PPCS: variants seen among roughly 807,000 people sequenced by gnomAD.
PPCS encodes phosphopantothenate--cysteine ligase.
Under a neutral mutation model 24.6 loss-of-function variants are expected in PPCS, and 17 were observed. The observed-to-expected ratio is 0.69, with a 90% CI of 0.47 to 1.04. PPCS has a LOEUF of 1.04. Ranked by LOEUF, PPCS falls within the 50% of genes least tolerant of loss-of-function variation. PPCS has a pLI of 0.00. For synonymous variants in PPCS, 190 were observed against 168.3 expected, an observed-to-expected ratio of 1.13 and a Z score of -1.00; for missense variants, 360 against 402.8, an observed-to-expected ratio of 0.89 and a Z score of 0.91.
chr1:42,469,794 T>C (rs914305270), intron 2 of PPCS, among the ~76,000 whole-genome samples: 1 of 152,178 alleles, frequency 6.6e-6, no homozygotes, highest in Non-Finnish European at 1.5e-5. Context: ...TTACTAGTTC[T>C]CTGGGAGACA....
rs146909390 is a variant in PPCS, at chr1:42,461,231, CAG to C, written c.*1307_*1308del. Among the ~76,000 whole-genome samples the C allele has an allele frequency of 2.0e-3, 310 of 152,304 alleles. 1 individual carries two copies. The highest frequency in any genetic ancestry group is 3.3e-3 in the Non-Finnish European group (225 of 68,024). On this transcript the variant is annotated 3_prime_UTR_variant, in exon 3 of 3. Coordinates refer to ENST00000372561, the MANE Select transcript of PPCS (RefSeq NM_024664.4). ...AATAAATTTAATTGAGAAGATTTGA[CAG>C]AAATTCTAAGACTGAAATACTTCAT...
chr1:42,473,035 A>T, intron 2 of PPCS: 1 of 1,178,566 alleles, frequency 8.5e-7, no homozygotes. Context: ...TAATAAGGAG[A>T]CTAAGGTGGC....
exon 3 of PPCS, chr1:42,473,174 A>G (rs1557789878): frequency 1.7e-5 from 21 of 1,231,058 alleles, no homozygotes; most frequent in Non-Finnish European, 2.0e-5. Flanking sequence ...GAAGAAATCA[A>G]TCCCCTTGCT....
intron 2 of PPCS, among the ~76,000 whole-genome samples, chr1:42,472,646 C>CTT (rs1210844030): frequency 6.9e-6 from 1 of 145,598 alleles, no homozygotes; most frequent in African/African-American, 2.5e-5. Context: ...GACAGAAAAG[C>CTT]TTTTTTTTTT....
intron 2 of PPCS, 108 bp downstream of exon 2, chr1:42,457,458 G>C: frequency 5.3e-6 from 5 of 936,076 alleles, no homozygotes; most frequent in Non-Finnish European, 8.6e-6. Flanking sequence ...CTAGGCACAG[G>C]GGATACAGAG....
At chr1:42,456,490 C>G, upstream of PPCS, 3 of 1,394,174 alleles carry the variant, frequency 2.2e-6, no homozygotes, top group Non-Finnish European at 2.8e-6. Flanking sequence ...CGGCGCGGCG[C>G]GTACACCAGG....
chr1:42,458,817 G>A (rs1303157632), intron 2 of PPCS, among the ~76,000 whole-genome samples: 1 of 152,170 alleles, frequency 6.6e-6, no homozygotes, highest in Non-Finnish European at 1.5e-5. Context: ...TTTTGGTCAA[G>A]TGAAAATAAA....
chr1:42,459,752 G>C lies in PPCS; in HGVS notation c.762G>C (p.Val254=), dbSNP rs146107417. Residue 254 remains valine, a synonymous_variant, in exon 3 of 3, where the codon GTG becomes GTC. Transcript: ENST00000372561. ...CTTTGGAAATTTATCAGCATCAAGT[G>C]GTGGTGGCTAATATCCTTGAGTCAC... is the stretch of plus-strand genomic sequence containing the variant. ...RKALEIYQHQ[V]VVANILESRQ... 8.2e-4 allele frequency: 1,318 copies of C among 1,614,174 alleles called. 14 individuals carry two copies. The South Asian group carries it at 8.2e-3, about 10-fold the overall frequency.
In PPCS at chr1:42,457,947, C is replaced by T. The variant is rs1643279626; in HGVS notation, c.612+597C>T. Among the ~76,000 whole-genome samples the T allele has an allele frequency of 1.4e-5, 2 of 141,154 alleles. 1 individual carries two copies. The highest frequency in any genetic ancestry group is 5.0e-4 in the South Asian group (2 of 3,972). 92.6% of individuals were successfully genotyped at this position (141,154 alleles called of 152,430 possible). ...TCCAGCCCGGGCGACGAGAGCGATA[C>T]TCCGTCGCAAAAAAAAAAAAAAACA... On this transcript the variant is annotated intron_variant, in intron 2 of 2. Transcript: ENST00000372561.
intron 2 of PPCS, chr1:42,468,762 T>G (rs1303060216): frequency 1.3e-5 from 2 of 152,068 alleles, no homozygotes; most frequent in Non-Finnish European, 2.9e-5. Context: ...GAATAAAAAT[T>G]TAAAGAAGTT....
At chr1:42,470,331 G>C (rs1028661861) in intron 2 of PPCS, among the ~76,000 whole-genome samples, 1 of 152,014 alleles carries the variant, frequency 6.6e-6, no homozygotes, top group Non-Finnish European at 1.5e-5. Flanking sequence ...TGTTGACAAG[G>C]ATGTGAAGAT....
chr1:42,460,281 G>C lies in PPCS; in HGVS notation c.*355G>C. The C allele has an allele frequency of 9.9e-7, 1 of 1,012,126 alleles. No homozygotes were observed. The highest frequency in any genetic ancestry group is 1.2e-6 in the Non-Finnish European group (1 of 844,938). 62.7% of individuals were successfully genotyped at this position (1,012,126 alleles called of 1,614,324 possible). A position where few individuals can be genotyped will look rare whatever the true frequency, so the allele number is the denominator to read the frequency against. On this transcript the variant is annotated 3_prime_UTR_variant, in exon 3 of 3. Coordinates refer to ENST00000372561, the MANE Select transcript of PPCS (RefSeq NM_024664.4). Reference sequence around the variant, plus strand: ...TTTGGAGATCAAATATTGGTTGAATGCCTATGTATGTCAGGCCCTGTGCTG... The same window carrying C: ...TTTGGAGATCAAATATTGGTTGAATCCCTATGTATGTCAGGCCCTGTGCTG...
chr1:42,461,548 C>T (rs1384956916), downstream of PPCS, among the ~76,000 whole-genome samples: 3 of 146,378 alleles, frequency 2.0e-5, no homozygotes, highest in Non-Finnish European at 4.5e-5. Flanking sequence ...GTTACCCAGG[C>T]TCTTTTTTTT....
intron 2 of PPCS, among the ~76,000 whole-genome samples, chr1:42,470,798 G>C (rs1643746478): frequency 6.6e-6 from 1 of 152,152 alleles, no homozygotes; most frequent in Non-Finnish European, 1.5e-5. Context: ...CCAGGGCCTG[G>C]GGGTGAGGGG....
rs970256061 is a variant in PPCS, at chr1:42,456,943, G to A, written c.378G>A (p.Pro126=). The part of the protein sequence containing the change: ...LSLEAEENAL[P]GFAEALRSYQ... ...TGGAGGCCGAGGAGAATGCACTTCC[G>A]GGTTTTGCTGAGGCTCTGAGGAGCT... is the stretch of plus-strand genomic sequence containing the variant. The change falls in exon 1 of 3, where the codon CCG becomes CCA. Residue 126 remains proline, a synonymous_variant. Coordinates refer to ENST00000372561, the MANE Select transcript of PPCS (RefSeq NM_024664.4). The A allele has an allele frequency of 5.6e-6, 9 of 1,606,502 alleles. No individual in the cohort carries two copies. In the South Asian group the frequency reaches 7.7e-5, roughly 14 times the overall value.
rs1483777170 is a variant in PPCS at position 42,461,221 on chromosome 1, G to A, written c.*1295G>A. Among the ~76,000 whole-genome samples the A allele has an allele frequency of 6.6e-6, 1 of 152,194 alleles. No individual in the cohort carries two copies. Among genetic ancestry groups the A allele is most frequent in the Non-Finnish European group, 1.5e-5 (1 of 68,036 alleles). On this transcript the variant is annotated 3_prime_UTR_variant, in exon 3 of 3. Coordinates refer to ENST00000372561, the MANE Select transcript of PPCS (RefSeq NM_024664.4). ...ATAGAAGTACAATAAATTTAATTGAGAAGATTTGACAGAAATTCTAAGACT... is the reference window on the plus strand; with the variant it reads ...ATAGAAGTACAATAAATTTAATTGAAAAGATTTGACAGAAATTCTAAGACT...
intron 1 of PPCS, 60 bp downstream of exon 1, chr1:42,457,133 AT>A (rs1643234000): frequency 1.9e-6 from 3 of 1,582,684 alleles, no homozygotes; most frequent in East Asian, 2.2e-5. Flanking sequence ...CCAGCCACTT[AT>A]CCCCTTACCT....
At chr1:42,464,157 C>G (rs2148427635), downstream of PPCS, 2 of 152,208 alleles carry the variant, frequency 1.3e-5, no homozygotes, top group South Asian at 4.1e-4. Flanking sequence ...TTCTGTTTTT[C>G]TTTGCACTAT....
At position 42,456,552 on chromosome 1, in the gene PPCS, C is replaced by A; in HGVS notation, c.-14C>A. On this transcript the variant is annotated 5_prime_UTR_variant, in exon 1 of 3. Transcript: ENST00000372561. The stretch of plus-strand genomic sequence containing the variant: ...GCCGCGAAACGTGCGCAGGCGCCGG[C>A]CGCTGCGCTGCAGATGGCGGAAATG... 1 of 1,456,204 alleles carries A rather than the reference C, an allele frequency of 6.9e-7. No individual in the cohort carries two copies. Among genetic ancestry groups the A allele is most frequent in the South Asian group, 1.4e-5 (1 of 70,176 alleles). The allele number at this position is 1,456,204 out of a possible 1,614,324, so 90.2% of individuals were successfully genotyped here.
Sources: gnomAD v4.1 joint callset for allele counts (sites outside exome capture counted in the v4.1 genomes callset) on GRCh38, gnomAD v4.1.1 for gene constraint, MANE v1.5 for transcripts, NCBI Gene and HGNC (gene_info 2026-07-23, HGNC 2026-07-21) for gene names.